The following HJURP variants were observed in gnomAD, a reference collection of about 807,000 sequenced individuals.
The protein encoded by HJURP is Holliday junction recognition protein.
Under a neutral mutation model 72.0 loss-of-function variants are expected in HJURP, and 49 were observed. The observed-to-expected ratio is 0.68, with a 90% CI of 0.54 to 0.86. HJURP has a LOEUF of 0.86. HJURP is among the 40% of genes least tolerant of loss of function. The pLI is 0.00. For missense variants in HJURP, 908 were observed against 936.3 expected (o/e 0.97, Z 0.39); for synonymous variants, 357 against 347.1 (o/e 1.03, Z -0.32).
Position 233,841,937 on chromosome 2 carries a change from G to A in HJURP, c.843C>T (p.Ser281=). 7 of 1,614,216 alleles carry A rather than the reference G, an allele frequency of 4.3e-6. No homozygotes were observed. Among genetic ancestry groups the A allele is most frequent in the Non-Finnish European group, 5.9e-6 (7 of 1,180,034 alleles). The change falls in exon 8 of 9, where the codon AGC becomes AGT. Residue 281 remains serine (S), a synonymous_variant. Coordinates refer to ENST00000411486, the MANE Select transcript of HJURP (RefSeq NM_018410.5). ...TGATGAACGTTTTGGTGGAGATGAT[G>A]CTTGATGGCTTTGTGCTCAACAGCC... ...MSRLLSTKPS[S]IISTKTFIMQ...
In HJURP at chr2:233,837,361, A is replaced by G. The variant is rs1705101927; in HGVS notation, c.*216T>C. 1 of 398,200 alleles carries G rather than the reference A, an allele frequency of 2.5e-6. No homozygotes were observed. Among genetic ancestry groups the G allele is most frequent in the East Asian group, 4.4e-5 (1 of 22,798 alleles). 24.7% of individuals were successfully genotyped at this position (398,200 alleles called of 1,614,324 possible). ...ACACACACATCAGAAAAACAGGCCTATCAAAGAGAACCCTAAAAATTCTAA... is the reference window on the plus strand; with the variant it reads ...ACACACACATCAGAAAAACAGGCCTGTCAAAGAGAACCCTAAAAATTCTAA... On this transcript the variant is annotated 3_prime_UTR_variant, in exon 9 of 9. Transcript: ENST00000411486.
intron 2 of HJURP, 93 bp from the exon 3 acceptor site, chr2:233,852,713 A>G: frequency 1.2e-6 from 1 of 857,340 alleles, no homozygotes; most frequent in Non-Finnish European, 1.9e-6. Context: ...GTGACAGGCA[A>G]AAAAAAGGTA....
intron 6 of HJURP, among the ~76,000 whole-genome samples, chr2:233,844,564 T>C (rs1227607071): frequency 1.3e-5 from 2 of 152,144 alleles, no homozygotes; most frequent in Non-Finnish European, 2.9e-5. Context: ...TAGCTTTCTT[T>C]GTCTAGCATT....
intron 4 of HJURP, among the ~76,000 whole-genome samples, chr2:233,847,742 C>T (rs1705402845): frequency 6.6e-6 from 1 of 152,220 alleles, no homozygotes; most frequent in Non-Finnish European, 1.5e-5. Flanking sequence ...GACGCTCAAG[C>T]CCAGCACTGC....
chr2:233,848,102 G>A (rs1454176294), intron 4 of HJURP, among the ~76,000 whole-genome samples: 1 of 152,162 alleles, frequency 6.6e-6, no homozygotes, highest in African/African-American at 2.4e-5. Flanking sequence ...AAGACCACCA[G>A]CTTCCCTTTA....
rs965686252 is a variant in HJURP at position 233,854,011 on chromosome 2, C to T, written c.118-101G>A. On this transcript the variant is annotated intron_variant, in intron 1 of 8. Coordinates refer to ENST00000411486, the MANE Select transcript of HJURP (RefSeq NM_018410.5). ...GCCCGTGAGAGGCCGTTAGTCTGGC[C>T]TGGGGCGCCCCAAACGCGGTCTCTG... 5 of 1,033,770 alleles carry T rather than the reference C, an allele frequency of 4.8e-6. No individual in the cohort carries two copies. In the Admixed American group the frequency reaches 8.7e-5, roughly 18 times the overall value. 64.0% of individuals were successfully genotyped at this position (1,033,770 alleles called of 1,614,324 possible).
Position 233,840,934 on chromosome 2 carries a change from C to A in HJURP, c.1846G>T (p.Val616Phe). Residue 616 changes from valine to phenylalanine, a missense_variant, in exon 8 of 9, where the codon GTT becomes TTT. By Grantham distance (50) the Val-to-Phe change is conservative. This residue lies in a region of HJURP where 598 missense variants were observed against 619.5 expected (regional missense o/e 0.97). Transcript: ENST00000411486. ...AAGAAGCCTTCTGTTTGATATCGAACTTCCATACTTGCTTTATCTGTAGAC... is the reference window on the plus strand; with the variant it reads ...AAGAAGCCTTCTGTTTGATATCGAAATTCCATACTTGCTTTATCTGTAGAC... ...GVSTDKASME[V>F]RYQTEGFLGK... 6.2e-7 allele frequency: 1 copy of A among 1,614,182 alleles called. No homozygotes were observed. Among genetic ancestry groups the A allele is most frequent in the Non-Finnish European group, 8.5e-7 (1 of 1,180,034 alleles).
chr2:233,839,644 G>A (rs1243002271), intron 8 of HJURP, among the ~76,000 whole-genome samples: 2 of 152,228 alleles, frequency 1.3e-5, no homozygotes, highest in Admixed American at 6.5e-5. Context: ...TGAGCTGGAC[G>A]CACGGCAGGA....
rs1705459547 is a variant in HJURP, at chr2:233,849,879, TA to T, written c.241-21del. ...GGAGTCCTCCAAGTGCAGAAGCCAA[TA>T]AAAACATGGTTGTTTGAGTGACAGC... On this transcript the variant is annotated intron_variant, in intron 3 of 8. Transcript: ENST00000411486. 1.4e-6 allele frequency: 2 copies of T among 1,445,608 alleles called. No homozygotes were observed. Among genetic ancestry groups the T allele is most frequent in the Non-Finnish European group, 1.9e-6 (2 of 1,052,476 alleles). The allele number at this position is 1,445,608 out of a possible 1,614,324, so 89.5% of individuals were successfully genotyped here.
intron 4 of HJURP, 109 bp downstream of exon 4, chr2:233,849,654 G>GA: frequency 1.4e-6 from 1 of 691,406 alleles, no homozygotes; most frequent in Non-Finnish European, 2.4e-6. Context: ...ATATACCTTA[G>GA]AAAAAATAAA....
rs1705102951 is a variant in HJURP, at chr2:233,837,388, T to C, written c.*189A>G. ...CAAAGAGAACCCTAAAAATTCTAAT[T>C]GAGCAACTTTATTCACATAATTTCT... is the stretch of plus-strand genomic sequence containing the variant. On this transcript the variant is annotated 3_prime_UTR_variant, in exon 9 of 9. Coordinates refer to ENST00000411486, the MANE Select transcript of HJURP (RefSeq NM_018410.5). The C allele has an allele frequency of 2.0e-6, 1 of 488,288 alleles. No homozygotes were observed. The highest frequency in any genetic ancestry group is 3.6e-6 in the Non-Finnish European group (1 of 279,166). The allele number at this position is 488,288 out of a possible 1,614,324, so 30.2% of individuals were successfully genotyped here. A position where few individuals can be genotyped will look rare whatever the true frequency, so the allele number is the denominator to read the frequency against.
chr2:233,848,654 G>A (rs1239539141), intron 4 of HJURP, among the ~76,000 whole-genome samples: 2 of 152,220 alleles, frequency 1.3e-5, no homozygotes, highest in Non-Finnish European at 2.9e-5. Flanking sequence ...CAGAGCAGAA[G>A]ATGGGGAGCC....
In HJURP at chr2:233,846,962, C is replaced by T. The variant is rs1705377322; in HGVS notation, c.402+435G>A. Reference sequence around the variant, plus strand: ...TTACTGTTTGGGTTAGTGACGGCTGCCCAATGAGGCGACCTTGTGACTTGG... The same window carrying T: ...TTACTGTTTGGGTTAGTGACGGCTGTCCAATGAGGCGACCTTGTGACTTGG... On this transcript the variant is annotated intron_variant, in intron 5 of 8. Coordinates refer to ENST00000411486, the MANE Select transcript of HJURP (RefSeq NM_018410.5). The surrounding 1 kb of genome is among the most constrained non-coding windows in gnomAD (Gnocchi z 4.3). 6.6e-6 allele frequency among the ~76,000 whole-genome samples: 1 copy of T among 152,162 alleles called. No homozygotes were observed. The highest frequency in any genetic ancestry group is 6.5e-5 in the Admixed American group (1 of 15,280).
chr2:233,847,122 C>T (rs145578677), intron 5 of HJURP, among the ~76,000 whole-genome samples: 1 of 152,336 alleles, frequency 6.6e-6, no homozygotes, highest in Non-Finnish European at 1.5e-5. Context: ...GCCAACCACA[C>T]TGACAGCTTT....
In HJURP at chr2:233,844,282, C is replaced by T; in HGVS notation, c.497G>A (p.Cys166Tyr). The change falls in exon 7 of 9, where the codon TGT (cysteine) becomes TAT (tyrosine). Residue 166 changes from cysteine to tyrosine, a missense_variant and splice_region_variant. Cys to Tyr is a radical substitution (Grantham distance 194). Transcript: ENST00000411486. Reference protein sequence around the residue: ...ILLQGAEYFECAGNRAGRDVR... With the variant: ...ILLQGAEYFEYAGNRAGRDVR... ...ATCCCTTCCAGCTCTGTTACCTGCA[C>T]ACTGAAATCAGAGCCAGTGGTTACA... The T allele has an allele frequency of 1.2e-6, 2 of 1,613,944 alleles. No individual in the cohort carries two copies. The highest frequency in any genetic ancestry group is 1.7e-6 in the Non-Finnish European group (2 of 1,179,822).
At chr2:233,853,987 C>A in intron 1 of HJURP, 77 bp from the exon 2 acceptor site, 2 of 1,324,686 alleles carry the variant, frequency 1.5e-6, no homozygotes, top group Non-Finnish European at 1.1e-6. Context: ...GCGGCGCCAG[C>A]CCGTGAGAGG....
rs559121418 is a variant in HJURP at position 233,837,719 on chromosome 2, A to G, written c.2172-67T>C. The G allele has an allele frequency of 4.1e-5, 42 of 1,014,800 alleles. No individual in the cohort carries two copies. The South Asian group carries it at 5.1e-4, about 12-fold the overall frequency. 62.9% of individuals were successfully genotyped at this position (1,014,800 alleles called of 1,614,324 possible). On this transcript the variant is annotated intron_variant, in intron 8 of 8. Transcript: ENST00000411486. ...TCTAGAATTCCCAATGCCAGCCACTAAAAGGTTAACTGTTTTCTACTTATT... is the reference window on the plus strand; with the variant it reads ...TCTAGAATTCCCAATGCCAGCCACTGAAAGGTTAACTGTTTTCTACTTATT...
intron 5 of HJURP, 24 bp from the exon 6 acceptor site, chr2:233,845,844 AT>A (rs770359464): frequency 1.3e-5 from 20 of 1,525,782 alleles, no homozygotes; most frequent in Admixed American, 1.7e-5. Flanking sequence ...AGAAGTCAGA[AT>A]TTTTAAGAGC....
intron 4 of HJURP, among the ~76,000 whole-genome samples, chr2:233,848,228 G>C (rs747853253): frequency 3.3e-5 from 5 of 152,022 alleles, no homozygotes; most frequent in African/African-American, 7.3e-5. Flanking sequence ...GTGTTTAAAG[G>C]CTAGTGACAA....
Sources: gnomAD v4.1 joint callset for allele counts (sites outside exome capture counted in the v4.1 genomes callset) on GRCh38, gnomAD v4.1.1 for gene constraint, gnomAD v4.1.1 regional missense constraint, Gnocchi (gnomAD v3.1) non-coding constraint, MANE v1.5 for transcripts, NCBI Gene and HGNC (gene_info 2026-07-23, HGNC 2026-07-21) for gene names.